The following AP2A1 variants were observed in gnomAD, a reference collection of about 807,000 sequenced individuals.
The protein encoded by AP2A1 is adaptor related protein complex 2 subunit alpha 1, also known as AP-2 complex subunit alpha-1.
A neutral mutation model predicts 107.3 loss-of-function variants in AP2A1; 21 were observed. That is an observed-to-expected ratio of 0.20 (90% CI 0.14 to 0.28). The LOEUF (loss-of-function observed/expected upper bound fraction) is 0.28. AP2A1 is among the 10% of genes least tolerant of loss of function. The pLI, the probability that AP2A1 is intolerant of heterozygous loss-of-function variation, is 1.00. For missense variants in AP2A1, 873 were observed against 1,307.7 expected, an observed-to-expected ratio of 0.67 and a Z score of 5.13; for synonymous variants, 602 against 564.8, an observed-to-expected ratio of 1.07 and a Z score of -0.93.
At chr19:49,774,833 C>T (rs899200263) in intron 1 of AP2A1, among the ~76,000 whole-genome samples, 2 of 151,668 alleles carry the variant, frequency 1.3e-5, no homozygotes, top group East Asian at 1.9e-4. Flanking sequence ...GCAGGAGAAT[C>T]GCTTGAACCC....
At chr19:49,784,527 A>G (rs1176192759) in intron 4 of AP2A1, among the ~76,000 whole-genome samples, 1 of 152,232 alleles carries the variant, frequency 6.6e-6, no homozygotes, top group Admixed American at 6.5e-5. Context: ...AATAAATAAG[A>G]GAAGCATTTT....
rs557025367 is a variant in AP2A1 at position 49,801,630 on chromosome 19, C to A, written c.1785+9C>A. 6.3e-7 allele frequency: 1 copy of A among 1,595,822 alleles called. No individual in the cohort carries two copies. ...CCAGCACCGACGTCCTGGTCAGAGC[C>A]CTGTCCCCCCACCCCACCCCTCTTG... On this transcript the variant is annotated intron_variant, in intron 13 of 22. Coordinates refer to ENST00000354293, the MANE Select transcript of AP2A1 (RefSeq NM_130787.3).
At chr19:49,781,354 C>A (rs948506696) in intron 1 of AP2A1, among the ~76,000 whole-genome samples, 2 of 152,052 alleles carry the variant, frequency 1.3e-5, no homozygotes, top group African/African-American at 4.8e-5. Flanking sequence ...GCAGTGAGCT[C>A]AGTGGTAGGG....
chr19:49,787,406 GGT>G (rs2084755418), intron 4 of AP2A1, among the ~76,000 whole-genome samples: 1 of 144,390 alleles, frequency 6.9e-6, no homozygotes, highest in Admixed American at 7.1e-5. Context: ...GGAGTGCAGT[GGT>G]GCAATCTTGG....
intron 5 of AP2A1, among the ~76,000 whole-genome samples, 174 bp downstream of exon 5, chr19:49,792,238 C>CT (rs2073154096): frequency 2.1e-5 from 3 of 143,926 alleles, no homozygotes; most frequent in African/African-American, 5.2e-5. Context: ...CTCACGCCCC[C>CT]GGATACCCAG....
In AP2A1 at chr19:49,803,113, G is replaced by C. The variant is rs371627891; in HGVS notation, c.2178G>C (p.Val726=). ...PEADELLNKF[V]CKNNGVLFEN... ...GCGCCCCCTGCCCCCTCAGGTTTGT[G>C]TGTAAGAACAACGGGGTCCTGTTCG... The change falls in exon 17 of 23, where the codon GTG becomes GTC. Residue 726 remains valine, a synonymous_variant. Coordinates refer to ENST00000354293, the MANE Select transcript of AP2A1 (RefSeq NM_130787.3). 9.2e-5 allele frequency: 149 copies of C among 1,613,922 alleles called. 1 individual carries two copies. Among genetic ancestry groups the C allele is most frequent in the Non-Finnish European group, 1.2e-4 (144 of 1,179,908 alleles).
intron 15 of AP2A1, chr19:49,802,422 C>T: frequency 1.8e-6 from 2 of 1,091,184 alleles, no homozygotes; most frequent in South Asian, 1.3e-5. Context: ...TTCTCTCCTT[C>T]CCTCTTCCGT....
intron 1 of AP2A1, among the ~76,000 whole-genome samples, chr19:49,773,601 G>C (rs1358316537): frequency 6.6e-6 from 1 of 152,190 alleles, no homozygotes; most frequent in Non-Finnish European, 1.5e-5. Context: ...CCTGCCCTAG[G>C]GTGCTCACGT....
intron 6 of AP2A1, 46 bp from the exon 7 acceptor site, chr19:49,795,584 C>A: frequency 1.5e-6 from 1 of 659,248 alleles, no homozygotes; most frequent in Non-Finnish European, 2.8e-6. Context: ...ACCCACGTGC[C>A]CCTCCCACCC....
At chr19:49,784,667 CG>C (rs1229243255) in intron 4 of AP2A1, among the ~76,000 whole-genome samples, 4 of 151,946 alleles carry the variant, frequency 2.6e-5, no homozygotes, top group Admixed American at 6.6e-5. Flanking sequence ...CACTTGAGGC[CG>C]GAAGTTCAAG....
At chr19:49,800,767 G>T (rs539760658) in intron 11 of AP2A1, 194 bp from the exon 12 acceptor site, 14 of 517,298 alleles carry the variant, frequency 2.7e-5, no homozygotes, top group Middle Eastern at 1.0e-3. Flanking sequence ...CACTGCTTCC[G>T]GCCCACAGCC....
At chr19:49,784,248 G>A (rs545517877) in intron 4 of AP2A1, among the ~76,000 whole-genome samples, 15 of 152,212 alleles carry the variant, frequency 9.9e-5, no homozygotes, top group South Asian at 8.3e-4. Context: ...CCAACATGGC[G>A]AAACCATATG....
In AP2A1 at chr19:49,806,551, C is replaced by A. The variant is rs578146657; in HGVS notation, c.2791-130C>A. The stretch of plus-strand genomic sequence containing the variant: ...GGCGCCTCTGTTGATTTCAGTCTTA[C>A]ATTTTTCTCTCCTGTGTCTTGTATC... On this transcript the variant is annotated intron_variant, in intron 22 of 22. Transcript: ENST00000354293. 6.7e-6 allele frequency: 10 copies of A among 1,488,642 alleles called. No homozygotes were observed. The South Asian group carries it at 9.6e-5, about 14-fold the overall frequency. 92.2% of individuals were successfully genotyped at this position (1,488,642 alleles called of 1,614,324 possible). A position where few individuals can be genotyped will look rare whatever the true frequency, so the allele number is the denominator to read the frequency against.
chr19:49,794,586 G>A (rs529250967), intron 6 of AP2A1, among the ~76,000 whole-genome samples: 3 of 152,258 alleles, frequency 2.0e-5, no homozygotes, highest in Non-Finnish European at 2.9e-5. Flanking sequence ...AGACCAGCAC[G>A]GAGGTGGGAC....
chr19:49,790,138 C>G (rs2073123590), intron 4 of AP2A1, among the ~76,000 whole-genome samples: 1 of 152,202 alleles, frequency 6.6e-6, no homozygotes. Context: ...AAGGCGTGGG[C>G]AGGGCTCGTC....
intron 4 of AP2A1, among the ~76,000 whole-genome samples, chr19:49,787,305 G>A (rs566615813): frequency 6.7e-6 from 1 of 148,476 alleles, no homozygotes; most frequent in South Asian, 2.1e-4. Context: ...TTACAGGTGT[G>A]AGCCACCACT....
intron 6 of AP2A1, among the ~76,000 whole-genome samples, chr19:49,794,541 T>G (rs1279090421): frequency 2.0e-5 from 3 of 151,992 alleles, no homozygotes; most frequent in Admixed American, 6.6e-5. Flanking sequence ...ATCTGAGTAC[T>G]GCAGTGTGCC....
chr19:49,792,087 C>T (rs2073150392), intron 5 of AP2A1, 23 bp downstream of exon 5: 6 of 1,606,528 alleles, frequency 3.7e-6, no homozygotes, highest in Non-Finnish European at 4.2e-6. Context: ...CCCTCACACC[C>T]CCGGATACCC....
Position 49,801,924 on chromosome 19 carries a change from TG to T in AP2A1, c.1953+39del. The stretch of plus-strand genomic sequence containing the variant: ...CTGGGGTGGGCCCTGCCAGGGTGCC[TG>T]GGGCTGGGTCCTGCCGGGCGCCGCC... On this transcript the variant is annotated intron_variant, in intron 14 of 22. Transcript: ENST00000354293. The T allele has an allele frequency of 4.8e-6, 7 of 1,458,340 alleles. No individual in the cohort carries two copies. In the South Asian group the frequency reaches 1.0e-4, roughly 21 times the overall value. The allele number at this position is 1,458,340 out of a possible 1,614,324, so 90.3% of individuals were successfully genotyped here.
Sources: gnomAD v4.1 joint callset for allele counts (sites outside exome capture counted in the v4.1 genomes callset) on GRCh38, gnomAD v4.1.1 for gene constraint, MANE v1.5 for transcripts, NCBI Gene and HGNC (gene_info 2026-07-23, HGNC 2026-07-21) for gene names.